Variants in DLG2 observed in about 807,000 individuals in gnomAD.
The protein encoded by DLG2 is disks large homolog 2.
A neutral mutation model predicts 132.5 loss-of-function variants in DLG2; 45 were observed. The ratio of observed to expected loss-of-function variants is 0.34; its 90% CI spans 0.27 to 0.44. The LOEUF is 0.44. Among genes scored for constraint, DLG2 ranks in the 20% least tolerant of loss-of-function variants. The pLI, the probability that DLG2 is intolerant of heterozygous loss-of-function variation, is 1.00. For missense variants in DLG2, 1,045 were observed against 1,196.9 expected, an observed-to-expected ratio of 0.87 and a Z score of 1.87; for synonymous variants, 424 against 419.6, an observed-to-expected ratio of 1.01 and a Z score of -0.13.
Position 83,685,879 on chromosome 11 carries a change from C to T in DLG2, c.1826-52554G>A, listed in dbSNP as rs147011443. Among the ~76,000 whole-genome samples the T allele has an allele frequency of 5.9e-4, 90 of 152,108 alleles. No homozygotes were observed. In the East Asian group the frequency reaches 0.013, roughly 22 times the overall value. The stretch of plus-strand genomic sequence containing the variant: ...CAGTATGCACCATTTAAATAAATGG[C>T]GCAATCATTGACCTAGTTGCTCTGG... On this transcript the variant is annotated intron_variant, in intron 18 of 27. Transcript: ENST00000376104.
intron 6 of DLG2, among the ~76,000 whole-genome samples, chr11:85,029,289 C>T (rs529186383): frequency 2.6e-5 from 4 of 151,924 alleles, no homozygotes; most frequent in African/African-American, 4.8e-5. Context: ...CTTGTAATGT[C>T]TGTTAAAGTG....
intron 3 of DLG2, among the ~76,000 whole-genome samples, chr11:85,305,523 A>AT (rs1565297593): frequency 6.6e-6 from 1 of 151,914 alleles, no homozygotes; most frequent in African/African-American, 2.4e-5. Flanking sequence ...TTATTTATTT[A>AT]TTTTTTTGAG....
chr11:83,524,752 G>T (rs2095564086), intron 21 of DLG2, among the ~76,000 whole-genome samples: 1 of 152,050 alleles, frequency 6.6e-6, no homozygotes, highest in Admixed American at 6.6e-5. Flanking sequence ...AAGCTTCCTT[G>T]GCTTCCCTGA....
intron 19 of DLG2, among the ~76,000 whole-genome samples, chr11:83,578,703 G>A (rs1457240708): frequency 6.6e-6 from 1 of 152,056 alleles, no homozygotes; most frequent in Non-Finnish European, 1.5e-5. Flanking sequence ...GATATAAAAA[G>A]CCTAAATCTT....
chr11:83,633,385 G>T, intron 18 of DLG2, 60 bp from the exon 19 acceptor site: 1 of 1,395,970 alleles, frequency 7.2e-7, no homozygotes, highest in Non-Finnish European at 1.0e-6. Flanking sequence ...TGGAAATGCT[G>T]CACAGCCCAG....
At chr11:83,839,184 C>T (rs914179266) in intron 16 of DLG2, among the ~76,000 whole-genome samples, 1 of 152,120 alleles carries the variant, frequency 6.6e-6, no homozygotes, top group Non-Finnish European at 1.5e-5. Flanking sequence ...TGATTTCAAA[C>T]TATCAAAACA....
chr11:85,104,912 A>G (rs1277101681), intron 6 of DLG2, among the ~76,000 whole-genome samples: 1 of 147,786 alleles, frequency 6.8e-6, no homozygotes, highest in Non-Finnish European at 1.5e-5. Flanking sequence ...AGAGAGAGAA[A>G]GGAGAAAGAG....
chr11:85,416,417 C>A (rs1352859275), intron 3 of DLG2, among the ~76,000 whole-genome samples: 1 of 152,116 alleles, frequency 6.6e-6, no homozygotes, highest in East Asian at 1.9e-4. Context: ...ATTGTCTTGG[C>A]TATACAGACT....
chr11:85,191,142 ATGCGCG>A (rs1315228633), intron 4 of DLG2, among the ~76,000 whole-genome samples: 2 of 141,732 alleles, frequency 1.4e-5, no homozygotes, highest in African/African-American at 2.7e-5. Flanking sequence ...GTCTATATGC[ATGCGCG>A]CGCGCGCACG....
At chr11:83,745,802 A>G (rs1301924401) in intron 18 of DLG2, among the ~76,000 whole-genome samples, 1 of 145,250 alleles carries the variant, frequency 6.9e-6, no homozygotes, top group Admixed American at 6.9e-5. Flanking sequence ...ACGCTGCCTT[A>G]AAAAAAAAAA....
chr11:83,998,766 G>A (rs545307259), intron 11 of DLG2, among the ~76,000 whole-genome samples: 3 of 152,234 alleles, frequency 2.0e-5, no homozygotes, highest in Non-Finnish European at 2.9e-5. Context: ...GCAAGCCACC[G>A]TTTTAGAGTC....
At chr11:85,459,167 A>C (rs1365367753) in intron 3 of DLG2, among the ~76,000 whole-genome samples, 1 of 152,162 alleles carries the variant, frequency 6.6e-6, no homozygotes, top group Admixed American at 6.5e-5. Context: ...TCTCCAATTC[A>C]AGGACAGCAA....
chr11:84,849,743 G>A (rs1223341180), intron 6 of DLG2, among the ~76,000 whole-genome samples: 1 of 151,962 alleles, frequency 6.6e-6, no homozygotes, highest in Non-Finnish European at 1.5e-5. Flanking sequence ...CACTTACAAC[G>A]ACACTGTTGC....
At position 85,444,723 on chromosome 11, in the gene DLG2, C is replaced by G. The variant is rs558464098; in HGVS notation, c.40+153934G>C. 5.2e-3 allele frequency among the ~76,000 whole-genome samples: 786 copies of G among 152,354 alleles called. 4 individuals carry two copies. The highest frequency in any genetic ancestry group is 8.3e-3 in the Non-Finnish European group (565 of 68,030). On this transcript the variant is annotated intron_variant, in intron 3 of 27. Transcript: ENST00000376104. ...CAGCTGGTGGGAAGGAACACAGCAG[C>G]TACCTGTTATAGGCTTCTGTCTTTG...
intron 7 of DLG2, among the ~76,000 whole-genome samples, chr11:84,526,094 C>A (rs1204960694): frequency 6.6e-6 from 1 of 152,046 alleles, no homozygotes; most frequent in East Asian, 1.9e-4. Flanking sequence ...TGTGCCCAAC[C>A]AAAATATAAT....
chr11:84,975,452 G>C (rs1257232527), intron 6 of DLG2, among the ~76,000 whole-genome samples: 1 of 152,108 alleles, frequency 6.6e-6, no homozygotes, highest in East Asian at 1.9e-4. Flanking sequence ...CCTGGCACTG[G>C]AATGCAATGC....
chr11:83,864,533 G>T (rs986947003), intron 16 of DLG2, among the ~76,000 whole-genome samples: 2 of 152,174 alleles, frequency 1.3e-5, no homozygotes, highest in African/African-American at 4.8e-5. Flanking sequence ...ATAAGCAGGA[G>T]CCTTTACCAA....
At chr11:83,855,102 C>T (rs1303422062) in intron 16 of DLG2, among the ~76,000 whole-genome samples, 2 of 152,090 alleles carry the variant, frequency 1.3e-5, no homozygotes, top group African/African-American at 2.4e-5. Flanking sequence ...CAGAGAAATG[C>T]AAATTATAAC....
intron 6 of DLG2, among the ~76,000 whole-genome samples, chr11:85,002,450 T>A (rs1425083423): frequency 1.3e-5 from 2 of 152,160 alleles, no homozygotes; most frequent in Non-Finnish European, 2.9e-5. Context: ...TTTCTCAAAG[T>A]AGGGCCCTTG....
Sources: allele counts gnomAD v4.1 joint callset (sites outside exome capture counted in the v4.1 genomes callset), GRCh38; gene constraint gnomAD v4.1.1; transcripts MANE v1.5; gene names NCBI Gene and HGNC (gene_info 2026-07-23, HGNC 2026-07-21).